The following GRID1 variants were observed in gnomAD, a reference collection of about 807,000 sequenced individuals.
GRID1 encodes the protein glutamate receptor ionotropic, delta-1.
In GRID1, 28 loss-of-function variants were observed where a neutral mutation model predicts 98.0. The ratio of observed to expected loss-of-function variants is 0.29; its 90% CI spans 0.21 to 0.39. The LOEUF (loss-of-function observed/expected upper bound fraction) is 0.39. Ranked by LOEUF, GRID1 falls within the 10% of genes least tolerant of loss-of-function variation. GRID1 has a pLI of 1.00. For missense variants in GRID1, 1,111 were observed against 1,340.5 expected, an observed-to-expected ratio of 0.83 and a Z score of 2.67; for synonymous variants, 553 against 538.5, an observed-to-expected ratio of 1.03 and a Z score of -0.37.
intron 4 of GRID1, among the ~76,000 whole-genome samples, chr10:86,074,929 G>A (rs1281067428): frequency 2.0e-5 from 3 of 152,234 alleles, no homozygotes; most frequent in Non-Finnish European, 2.9e-5. Flanking sequence ...CTGAATGAAT[G>A]AACAAATGAA....
intron 4 of GRID1, among the ~76,000 whole-genome samples, chr10:86,087,785 A>G (rs1250159888): frequency 6.6e-6 from 1 of 151,334 alleles, no homozygotes; most frequent in African/African-American, 2.4e-5. Context: ...CTGCTGGCCC[A>G]CCTCCCTCCC....
At chr10:86,083,891 C>T (rs899626989) in intron 4 of GRID1, among the ~76,000 whole-genome samples, 1 of 152,220 alleles carries the variant, frequency 6.6e-6, no homozygotes, top group Non-Finnish European at 1.5e-5. Context: ...GACTTTGCAG[C>T]AACAGGAGGC....
chr10:86,195,263 C>T lies in GRID1; in HGVS notation c.520+11101G>A, dbSNP rs953988714. Among the ~76,000 whole-genome samples, 8 of 152,066 alleles carry T rather than the reference C, an allele frequency of 5.3e-5. No individual in the cohort carries two copies. The highest frequency in any genetic ancestry group is 1.9e-4 in the African/African-American group (8 of 41,438). On this transcript the variant is annotated intron_variant, in intron 3 of 15. Transcript: ENST00000327946. This position sits in a 1 kb window ranked among gnomAD's most constrained non-coding sequence, Gnocchi z 4.4. ...TTCTACATTTGCTGTAAAGGTTGAGCTGGAATTGCCATCCATTCTGTCCTT... is the reference window on the plus strand; with the variant it reads ...TTCTACATTTGCTGTAAAGGTTGAGTTGGAATTGCCATCCATTCTGTCCTT...
chr10:85,972,161 T>TC (rs1842416340), intron 4 of GRID1, among the ~76,000 whole-genome samples: 1 of 151,290 alleles, frequency 6.6e-6, no homozygotes, highest in South Asian at 2.1e-4. Context: ...CATTTTTCTT[T>TC]TTTTTTTTTA....
At chr10:85,977,023 G>A (rs1288084836) in intron 4 of GRID1, among the ~76,000 whole-genome samples, 1 of 152,198 alleles carries the variant, frequency 6.6e-6, no homozygotes, top group African/African-American at 2.4e-5. Flanking sequence ...CCTCTGACAA[G>A]GCCCAGCTTC....
rs185567026 is a variant in GRID1, at chr10:85,683,391, G to C, written c.1998-35994C>G. Among the ~76,000 whole-genome samples the C allele has an allele frequency of 4.7e-4, 71 of 152,276 alleles. No individual in the cohort carries two copies. In the Middle Eastern group the frequency reaches 0.014, roughly 29 times the overall value. The stretch of plus-strand genomic sequence containing the variant: ...CTTAAGAGTGGAAATTTTTAAAATA[G>C]TGCTCTGAAAAAGAAAATAGAAATG... On this transcript the variant is annotated intron_variant, in intron 12 of 15. Coordinates refer to ENST00000327946, the MANE Select transcript of GRID1 (RefSeq NM_017551.3).
intron 3 of GRID1, among the ~76,000 whole-genome samples, chr10:86,201,099 A>G (rs1440865753): frequency 1.3e-5 from 2 of 152,218 alleles, no homozygotes; most frequent in African/African-American, 4.8e-5. Flanking sequence ...GCACACAAAC[A>G]CCAAAAGACA....
At chr10:85,882,343 A>G (rs992934697) in intron 5 of GRID1, among the ~76,000 whole-genome samples, 1 of 152,182 alleles carries the variant, frequency 6.6e-6, no homozygotes, top group African/African-American at 2.4e-5. Flanking sequence ...TTTTGGCACT[A>G]TTCACAATAG....
At chr10:85,651,307 G>C (rs150495374) in intron 12 of GRID1, among the ~76,000 whole-genome samples, 19 of 152,312 alleles carry the variant, frequency 1.2e-4, no homozygotes, top group African/African-American at 4.6e-4. Flanking sequence ...TCATGTGAAG[G>C]AGTCATGGGT....
chr10:86,184,716 T>C lies in GRID1; in HGVS notation c.520+21648A>G, dbSNP rs1161821747. On this transcript the variant is annotated intron_variant, in intron 3 of 15. Coordinates refer to ENST00000327946, the MANE Select transcript of GRID1 (RefSeq NM_017551.3). ...TATAACTTTGAAAAACTAAAACTTT[T>C]AGTTTACTGATCATATGATGATCTA... 3.3e-5 allele frequency among the ~76,000 whole-genome samples: 5 copies of C among 152,110 alleles called. No homozygotes were observed. In the East Asian group the frequency reaches 5.8e-4, roughly 18 times the overall value.
At chr10:85,992,461 G>C (rs1842691773) in intron 4 of GRID1, among the ~76,000 whole-genome samples, 1 of 152,146 alleles carries the variant, frequency 6.6e-6, no homozygotes, top group Admixed American at 6.5e-5. Context: ...AAGAAGACAT[G>C]AAGATAAGGG....
At chr10:85,826,918 A>C (rs1842825314) in intron 8 of GRID1, among the ~76,000 whole-genome samples, 1 of 152,180 alleles carries the variant, frequency 6.6e-6, no homozygotes, top group Non-Finnish European at 1.5e-5. Flanking sequence ...GACTGAACCC[A>C]CATTATGCCA....
intron 12 of GRID1, among the ~76,000 whole-genome samples, chr10:85,662,776 T>C (rs958072452): frequency 6.6e-6 from 1 of 152,160 alleles, no homozygotes; most frequent in Admixed American, 6.5e-5. Flanking sequence ...AGGTTCTCTG[T>C]GTGAGGTTGG....
chr10:85,690,844 C>T (rs917766626), intron 12 of GRID1, among the ~76,000 whole-genome samples: 1 of 151,744 alleles, frequency 6.6e-6, no homozygotes, highest in Non-Finnish European at 1.5e-5. Context: ...ATAAGCCATT[C>T]TGATTTTCAA....
chr10:86,019,252 C>T (rs750627330), intron 4 of GRID1, among the ~76,000 whole-genome samples: 4 of 152,246 alleles, frequency 2.6e-5, no homozygotes, highest in South Asian at 2.1e-4. Context: ...GCATCCCCAG[C>T]GCTGACAATG....
intron 4 of GRID1, among the ~76,000 whole-genome samples, chr10:85,958,300 A>G (rs1290265267): frequency 6.6e-6 from 1 of 152,238 alleles, no homozygotes; most frequent in Non-Finnish European, 1.5e-5. Context: ...CCTCACCCAC[A>G]GGTGCCCTGC....
At chr10:85,617,103 A>T (rs1313888182) in intron 14 of GRID1, among the ~76,000 whole-genome samples, 2 of 152,034 alleles carry the variant, frequency 1.3e-5, no homozygotes, top group African/African-American at 4.8e-5. Context: ...TAAGGCTGGG[A>T]CCTGTCATTT....
chr10:85,701,008 T>C (rs1423237012), intron 12 of GRID1, among the ~76,000 whole-genome samples: 1 of 152,188 alleles, frequency 6.6e-6, no homozygotes, highest in East Asian at 1.9e-4. Context: ...AGAACAGATA[T>C]TCATCCTTAC....
At chr10:86,330,097 T>TA (rs773744454) in intron 2 of GRID1, among the ~76,000 whole-genome samples, 2 of 151,984 alleles carry the variant, frequency 1.3e-5, no homozygotes, top group Non-Finnish European at 2.9e-5. Context: ...AGGGCCTGTA[T>TA]CATGGACGAG....
Sources: allele counts gnomAD v4.1 joint callset (sites outside exome capture counted in the v4.1 genomes callset), GRCh38; gene constraint gnomAD v4.1.1; non-coding constraint Gnocchi (gnomAD v3.1); transcripts MANE v1.5; gene names NCBI Gene and HGNC (gene_info 2026-07-23, HGNC 2026-07-21).